C1R: variants seen among roughly 807,000 people sequenced by gnomAD.
C1R encodes the protein complement C1r subcomponent.
In C1R, 15 loss-of-function variants were observed where a neutral mutation model predicts 27.6. That is an observed-to-expected ratio of 0.54 (90% CI 0.36 to 0.84). The LOEUF (loss-of-function observed/expected upper bound fraction) is 0.84. Ranked by LOEUF, C1R falls within the 40% of genes least tolerant of loss-of-function variation. C1R has a pLI of 0.01. For synonymous variants in C1R, 253 were observed against 228.8 expected, an observed-to-expected ratio of 1.11 and a Z score of -0.95; for missense variants, 544 against 577.9, an observed-to-expected ratio of 0.94 and a Z score of 0.60.
rs181434056 is a variant in C1R at position 7,091,528 on chromosome 12, G to T, written c.155C>A (p.Thr52Lys). The change falls in exon 2 of 11, where the codon ACG becomes AAG. Residue 52 changes from threonine to lysine, a missense_variant. Coordinates refer to ENST00000647956, the MANE Select transcript of C1R (RefSeq NM_001733.7). This position sits in a 1 kb window ranked among gnomAD's most constrained non-coding sequence, Gnocchi z 5.1. ...FETTTVITVP[T>K]GYRVKLVFQQ... Reference sequence around the variant, plus strand: ...GAAGACGAGCTTCACCCTGTATCCCGTGGGGACTGTGATCACAGTGGTTGT... The same window carrying T: ...GAAGACGAGCTTCACCCTGTATCCCTTGGGGACTGTGATCACAGTGGTTGT... The T allele has an allele frequency of 1.3e-6, 1 of 778,744 alleles. No homozygotes were observed. Among genetic ancestry groups the T allele is most frequent in the East Asian group, 2.4e-5 (1 of 41,178 alleles). 48.2% of individuals were successfully genotyped at this position (778,744 alleles called of 1,614,324 possible).
chr12:7,088,959 C>T lies in C1R; in HGVS notation c.796G>A (p.Glu266Lys), dbSNP rs766940345. 1.1e-5 allele frequency: 8 copies of T among 750,732 alleles called. No homozygotes were observed. Among genetic ancestry groups the T allele is most frequent in the African/African-American group, 5.2e-5 (3 of 57,956 alleles). 46.5% of individuals were successfully genotyped at this position (750,732 alleles called of 1,614,324 possible). A position where few individuals can be genotyped will look rare whatever the true frequency, so the allele number is the denominator to read the frequency against. Residue 266 changes from glutamate (E) to lysine (K), a missense_variant, in exon 6 of 11, where the codon GAG (glutamate) becomes AAG (lysine). Glu to Lys is a moderately conservative substitution (Grantham distance 56). Around this residue, in one of 2 missense-constraint regions of C1R, gnomAD observed 291 missense variants for 209.0 expected, o/e 1.39. Transcript: ENST00000647956. Reference sequence around the variant, plus strand: ...GGGGGCCTTTGCTTCCCACAGAACTCGCCAATGTTCTTCCCGTTGGCATAG... The same window carrying T: ...GGGGGCCTTTGCTTCCCACAGAACTTGCCAATGTTCTTCCCGTTGGCATAG... ...QIYANGKNIG[E>K]FCGKQRPPDL...
At chr12:7,083,136 AG>A (rs1217144487) in intron 9 of C1R, among the ~76,000 whole-genome samples, 1 of 151,740 alleles carries the variant, frequency 6.6e-6, no homozygotes, top group Non-Finnish European at 1.5e-5. Flanking sequence ...AACTAGGTTG[AG>A]GGGGAGAATG....
rs1280777819 is a variant in C1R at position 7,080,773 on chromosome 12, C to T, written c.1877G>A (p.Gly626Glu). Residue 626 changes from glycine (G) to glutamate (E), a missense_variant, in exon 11 of 11, where the codon GGA becomes GAA. This residue lies in a region of C1R where 253 missense variants were observed against 368.9 expected (regional missense o/e 0.69). Coordinates refer to ENST00000647956, the MANE Select transcript of C1R (RefSeq NM_001733.7). This position sits in a 1 kb window ranked among gnomAD's most constrained non-coding sequence, Gnocchi z 4.9. The stretch of plus-strand genomic sequence containing the variant: ...AGAGAACACATCCATCCTATTCTTT[C>T]CCCGGAGCCAGTTCTCACAGGCCTG... ...NPQACENWLR[G>E]KNRMDVFSQN... The T allele has an allele frequency of 5.6e-6, 9 of 1,613,976 alleles. No individual in the cohort carries two copies. The highest frequency in any genetic ancestry group is 2.2e-5 in the East Asian group (1 of 44,882).
chr12:7,082,215 AG>A (rs1938077111), intron 9 of C1R, 109 bp from the exon 10 acceptor site: 4 of 707,100 alleles, frequency 5.7e-6, no homozygotes, highest in Non-Finnish European at 7.7e-6. Flanking sequence ...GGCAGGGAGG[AG>A]CCAACATGGC....
intron 10 of C1R, among the ~76,000 whole-genome samples, chr12:7,081,770 G>A (rs748979565): frequency 6.6e-5 from 10 of 152,306 alleles, no homozygotes; most frequent in Non-Finnish European, 1.3e-4. Context: ...TGGGATTACA[G>A]GTGTGAGCCA....
intron 9 of C1R, among the ~76,000 whole-genome samples, chr12:7,082,880 G>A (rs1481547941): frequency 6.6e-6 from 1 of 152,092 alleles, no homozygotes; most frequent in Non-Finnish European, 1.5e-5. Context: ...TCATTTTGTG[G>A]ATGAGGAAAC....
rs769198328 is a variant in C1R, at chr12:7,081,690, G to A, written c.1348+342C>T. Among the ~76,000 whole-genome samples, 4 of 151,970 alleles carry A rather than the reference G, an allele frequency of 2.6e-5. No homozygotes were observed. In the South Asian group the frequency reaches 6.2e-4, roughly 24 times the overall value. On this transcript the variant is annotated intron_variant, in intron 10 of 10. Coordinates refer to ENST00000647956, the MANE Select transcript of C1R (RefSeq NM_001733.7). ...CTCTTTTTAGCAGAGGCTGGGTTTCGCCATGTTGGCCAGGCTGGTCTCGAA... is the reference window on the plus strand; with the variant it reads ...CTCTTTTTAGCAGAGGCTGGGTTTCACCATGTTGGCCAGGCTGGTCTCGAA...
rs1565631361 is a variant in C1R at position 7,090,303 on chromosome 12, T to TG, written c.232-56dup. On this transcript the variant is annotated intron_variant, in intron 2 of 10. Coordinates refer to ENST00000647956, the MANE Select transcript of C1R (RefSeq NM_001733.7). ...AAGATCTGTTGCGGAGTGGCGCACG[T>TG]GGTGGCTCAGTGATGGTCCTCCTTG... is the stretch of plus-strand genomic sequence containing the variant. 3 of 687,896 alleles carry TG rather than the reference T, an allele frequency of 4.4e-6. No homozygotes were observed. The East Asian group carries it at 8.1e-5, about 19-fold the overall frequency. The allele number at this position is 687,896 out of a possible 1,614,324, so 42.6% of individuals were successfully genotyped here.
intron 9 of C1R, among the ~76,000 whole-genome samples, chr12:7,082,622 C>T (rs972952050): frequency 7.2e-5 from 11 of 152,202 alleles, no homozygotes; most frequent in East Asian, 1.9e-4. Flanking sequence ...TGAGCCACCA[C>T]GCCTGGCCAG....
At chr12:7,089,201 T>C (rs981864221) in intron 5 of C1R, 92 bp downstream of exon 5, 1 of 701,462 alleles carries the variant, frequency 1.4e-6, no homozygotes, top group African/African-American at 1.7e-5. Flanking sequence ...CTGCCCCAGC[T>C]GGCCAGGGGA....
intron 9 of C1R, among the ~76,000 whole-genome samples, chr12:7,085,656 G>A (rs1002183308): frequency 1.3e-5 from 2 of 152,004 alleles, no homozygotes; most frequent in African/African-American, 2.4e-5. Flanking sequence ...CTGTTTATGC[G>A]ATTTGAATCT....
intron 9 of C1R, among the ~76,000 whole-genome samples, chr12:7,083,536 G>T (rs890899472): frequency 3.8e-4 from 57 of 148,928 alleles, no homozygotes; most frequent in African/African-American, 1.1e-3. Context: ...TGGTGGTGGT[G>T]ATCATGGTAG....
At chr12:7,087,523 A>G (rs149036943) in intron 7 of C1R, 1 of 154,566 alleles carries the variant, frequency 6.5e-6, no homozygotes, top group East Asian at 1.9e-4. Flanking sequence ...TTTAAATTCT[A>G]TGATGTGAAT....
At position 7,080,791 on chromosome 12, in the gene C1R, C is replaced by T; in HGVS notation, c.1859G>A (p.Cys620Tyr). Residue 620 changes from cysteine to tyrosine, a missense_variant, in exon 11 of 11, where the codon TGT becomes TAT. Transcript: ENST00000647956. This position sits in a 1 kb window ranked among gnomAD's most constrained non-coding sequence, Gnocchi z 4.9. The part of the protein sequence containing the change: ...VRLPVANPQA[C>Y]ENWLRGKNRM... ...ATTCTTTCCCCGGAGCCAGTTCTCA[C>T]AGGCCTGTGGATTAGCTACGGGCAG... 1 of 1,613,998 alleles carries T rather than the reference C, an allele frequency of 6.2e-7. No homozygotes were observed. Among genetic ancestry groups the T allele is most frequent in the Non-Finnish European group, 8.5e-7 (1 of 1,179,884 alleles).
rs775230448 is a variant in C1R, at chr12:7,081,123, G to A, written c.1527C>T (p.His509=). The A allele has an allele frequency of 5.2e-4, 847 of 1,614,024 alleles. 14 individuals are homozygous for A. The South Asian group carries it at 8.3e-3, about 16-fold the overall frequency. The stretch of plus-strand genomic sequence containing the variant: ...CCAAAGAGGCGTTGCTTTGCGCTTC[G>A]TGTTCCTTGGGATACAGGGTGTGGG... ...TAAHTLYPKE[H]EAQSNASLDV... Residue 509 remains histidine, a synonymous_variant, in exon 11 of 11, where the codon CAC becomes CAT. Coordinates refer to ENST00000647956, the MANE Select transcript of C1R (RefSeq NM_001733.7).
rs1455809893 is a variant in C1R, at chr12:7,091,928, T to A, written c.3-248A>T. 35 of 661,160 alleles carry A rather than the reference T, an allele frequency of 5.3e-5. No individual in the cohort carries two copies. The East Asian group carries it at 9.9e-4, about 19-fold the overall frequency. The allele number at this position is 661,160 out of a possible 1,614,324, so 41.0% of individuals were successfully genotyped here. A position where few individuals can be genotyped will look rare whatever the true frequency, so the allele number is the denominator to read the frequency against. ...GCCACCACACTCCCCTCACACTCCC[T>A]TTCCAGCCTCCTCCCCTGCCCGGAC... On this transcript the variant is annotated intron_variant, in intron 1 of 10. Transcript: ENST00000647956. The surrounding 1 kb of genome is among the most constrained non-coding windows in gnomAD (Gnocchi z 5.1).
At chr12:7,090,869 A>T (rs1394187500) in intron 2 of C1R, among the ~76,000 whole-genome samples, 2 of 152,170 alleles carry the variant, frequency 1.3e-5, no homozygotes, top group African/African-American at 4.8e-5. Context: ...TGCCATTGTC[A>T]TGTAATTCAC....
chr12:7,090,295 G>A (rs1380707393), intron 2 of C1R, 47 bp from the exon 3 acceptor site: 1 of 695,494 alleles, frequency 1.4e-6, no homozygotes, highest in East Asian at 2.7e-5. Flanking sequence ...GTTGCGGAGT[G>A]GCGCACGTGG....
intron 2 of C1R, 51 bp from the exon 3 acceptor site, chr12:7,090,299 C>T (rs957618317): frequency 1.4e-6 from 1 of 690,824 alleles, no homozygotes; most frequent in Admixed American, 2.1e-5. Context: ...CGGAGTGGCG[C>T]ACGTGGTGGC....
Sources: gnomAD v4.1 joint callset for allele counts (sites outside exome capture counted in the v4.1 genomes callset) on GRCh38, gnomAD v4.1.1 for gene constraint, gnomAD v4.1.1 regional missense constraint, Gnocchi (gnomAD v3.1) non-coding constraint, MANE v1.5 for transcripts, NCBI Gene and HGNC (gene_info 2026-07-23, HGNC 2026-07-21) for gene names.